The following CNBP variants were observed in gnomAD, a reference collection of about 807,000 sequenced individuals.
CNBP encodes cellular nucleic acid-binding protein.
In CNBP, 6 loss-of-function variants were observed where a neutral mutation model predicts 21.2. The ratio of observed to expected loss-of-function variants is 0.28; its 90% CI spans 0.16 to 0.56. CNBP has a LOEUF of 0.56. Among genes scored for constraint, CNBP ranks in the 20% least tolerant of loss-of-function variants. The pLI is 0.93. For synonymous variants in CNBP, 61 were observed against 74.9 expected, an observed-to-expected ratio of 0.81 and a Z score of 0.96; for missense variants, 112 against 233.1, an observed-to-expected ratio of 0.48 and a Z score of 3.38.
At position 129,170,307 on chromosome 3, in the gene CNBP, T is replaced by C. The variant is rs1025675502; in HGVS notation, c.*146A>G. 1.0e-5 allele frequency: 7 copies of C among 690,546 alleles called. No homozygotes were observed. Among genetic ancestry groups the C allele is most frequent in the East Asian group, 2.5e-5 (1 of 39,552 alleles). The allele number at this position is 690,546 out of a possible 1,614,324, so 42.8% of individuals were successfully genotyped here. A position where few individuals can be genotyped will look rare whatever the true frequency, so the allele number is the denominator to read the frequency against. On this transcript the variant is annotated 3_prime_UTR_variant, in exon 5 of 5. Transcript: ENST00000422453. ...GTTAAATGCAGAAAGTCGGTTTTTT[T>C]CCACCCCTTTCCTCCTTTTACACGG...
intron 1 of CNBP, among the ~76,000 whole-genome samples, chr3:129,179,769 C>T (rs1217132600): frequency 6.6e-6 from 1 of 151,926 alleles, no homozygotes; most frequent in East Asian, 1.9e-4. Context: ...GAGGTGGAGG[C>T]TGCAGTGAGC....
rs1361773057 is a variant in CNBP at position 129,168,871 on chromosome 3, C to T, written c.*1582G>A. ...CAGCACTTTGGGAGGCCAAGGCGGG[C>T]GGATCACGAGGTCAGGAGATTGAGA... On this transcript the variant is annotated 3_prime_UTR_variant, in exon 5 of 5. Transcript: ENST00000422453. 6.6e-6 allele frequency among the ~76,000 whole-genome samples: 1 copy of T among 150,702 alleles called. No homozygotes were observed. The highest frequency in any genetic ancestry group is 3.5e-3 in the Middle Eastern group (1 of 288).
intron 1 of CNBP, among the ~76,000 whole-genome samples, chr3:129,181,796 ATT>A (rs1440929873): frequency 2.0e-5 from 3 of 152,030 alleles, no homozygotes; most frequent in Non-Finnish European, 4.4e-5. Flanking sequence ...ACAAACTGTT[ATT>A]TTTTTAAAGA....
intron 3 of CNBP, 49 bp from the exon 4 acceptor site, chr3:129,171,326 A>C (rs1318888200): frequency 1.9e-6 from 3 of 1,609,178 alleles, no homozygotes; most frequent in East Asian, 4.5e-5. Context: ...AACCTTTACA[A>C]AGTGTTACGT....
In CNBP at chr3:129,170,141, A is replaced by T. The variant is rs1464634534; in HGVS notation, c.*312T>A. 6.3e-6 allele frequency: 2 copies of T among 315,966 alleles called. No individual in the cohort carries two copies. The highest frequency in any genetic ancestry group is 8.8e-5 in the Admixed American group (2 of 22,636). The allele number at this position is 315,966 out of a possible 1,614,324, so 19.6% of individuals were successfully genotyped here. ...TACCTCCTACATGGGAACATGTTCAAGGAACCCAGGACGGGCTTACTGGTC... is the reference window on the plus strand; with the variant it reads ...TACCTCCTACATGGGAACATGTTCATGGAACCCAGGACGGGCTTACTGGTC... On this transcript the variant is annotated 3_prime_UTR_variant, in exon 5 of 5. Coordinates refer to ENST00000422453, the MANE Select transcript of CNBP (RefSeq NM_003418.5).
At chr3:129,172,249 AT>A (rs1318627093) in intron 1 of CNBP, among the ~76,000 whole-genome samples, 1 of 151,822 alleles carries the variant, frequency 6.6e-6, no homozygotes, top group African/African-American at 2.4e-5. Context: ...AAGTGATGGA[AT>A]TTACAGGGTT....
Position 129,168,046 on chromosome 3 carries a change from C to T in CNBP, c.*2407G>A, listed in dbSNP as rs1420029114. ...TAACACTGAATCACTATACCATGAA[C>T]TGACAGAACCCTGCATGAAGGATGA... is the stretch of plus-strand genomic sequence containing the variant. On this transcript the variant is annotated 3_prime_UTR_variant, in exon 5 of 5. Coordinates refer to ENST00000422453, the MANE Select transcript of CNBP (RefSeq NM_003418.5). Among the ~76,000 whole-genome samples, 1 of 152,122 alleles carries T rather than the reference C, an allele frequency of 6.6e-6. No homozygotes were observed. Among genetic ancestry groups the T allele is most frequent in the African/African-American group, 2.4e-5 (1 of 41,404 alleles).
intron 1 of CNBP, among the ~76,000 whole-genome samples, chr3:129,178,909 CTTTT>C (rs558645888): frequency 1.5e-4 from 22 of 151,184 alleles, no homozygotes; most frequent in Non-Finnish European, 3.1e-4. Context: ...CGCCTGGCTA[CTTTT>C]TTTTTGTATT....
At chr3:129,173,902 G>A (rs1272739580) in intron 1 of CNBP, among the ~76,000 whole-genome samples, 2 of 152,086 alleles carry the variant, frequency 1.3e-5, no homozygotes, top group African/African-American at 2.4e-5. Flanking sequence ...GACCCAAAAC[G>A]CAGTCCGAAA....
intron 1 of CNBP, among the ~76,000 whole-genome samples, chr3:129,177,042 T>TA (rs2107642706): frequency 6.6e-6 from 1 of 152,310 alleles, no homozygotes; most frequent in South Asian, 2.1e-4. Flanking sequence ...CCAGAACCTC[T>TA]AATTTGTCAT....
At position 129,169,011 on chromosome 3, in the gene CNBP, A is replaced by T. The variant is rs1260655169; in HGVS notation, c.*1442T>A. ...CAGCTACTCAGGAGGCTGAGGCAGG[A>T]GAATGGCACGAACCCAGGAGGCGGA... On this transcript the variant is annotated 3_prime_UTR_variant, in exon 5 of 5. Coordinates refer to ENST00000422453, the MANE Select transcript of CNBP (RefSeq NM_003418.5). 6.6e-6 allele frequency among the ~76,000 whole-genome samples: 1 copy of T among 151,994 alleles called. No individual in the cohort carries two copies. Among genetic ancestry groups the T allele is most frequent in the South Asian group, 2.1e-4 (1 of 4,822 alleles).
At position 129,168,952 on chromosome 3, in the gene CNBP, A is replaced by AG. The variant is rs1309278732; in HGVS notation, c.*1500_*1501insC. 2.7e-5 allele frequency among the ~76,000 whole-genome samples: 4 copies of AG among 150,828 alleles called. No individual in the cohort carries two copies. The highest frequency in any genetic ancestry group is 1.5e-5 in the Non-Finnish European group (1 of 67,654). On this transcript the variant is annotated 3_prime_UTR_variant, in exon 5 of 5. Transcript: ENST00000422453. ...TTTACTAAAAATACAAAAAAAAAAAATTAGCTGGGCGCGGTGGCGGGTACC... is the reference window on the plus strand; with the variant it reads ...TTTACTAAAAATACAAAAAAAAAAAAGTTAGCTGGGCGCGGTGGCGGGTACC...
chr3:129,174,360 A>AC (rs1201523978), intron 1 of CNBP, among the ~76,000 whole-genome samples: 2 of 147,860 alleles, frequency 1.4e-5, no homozygotes, highest in African/African-American at 2.5e-5. Flanking sequence ...AAAAAAAAAA[A>AC]AAAAAAAAAA....
chr3:129,179,154 G>T (rs937527410), intron 1 of CNBP, among the ~76,000 whole-genome samples: 1 of 152,076 alleles, frequency 6.6e-6, no homozygotes, highest in Non-Finnish European at 1.5e-5. Context: ...GCCCGTGCCT[G>T]TAGTTCCAAA....
At chr3:129,182,208 G>A (rs1297359144) in intron 1 of CNBP, among the ~76,000 whole-genome samples, 1 of 152,102 alleles carries the variant, frequency 6.6e-6, no homozygotes, top group African/African-American at 2.4e-5. Flanking sequence ...TCAAACAATA[G>A]GAAAGGGGGA....
chr3:129,172,840 T>A (rs1937643713), intron 1 of CNBP, among the ~76,000 whole-genome samples: 1 of 152,186 alleles, frequency 6.6e-6, no homozygotes, highest in Non-Finnish European at 1.5e-5. Flanking sequence ...GTCATTTATT[T>A]ACTCACATCA....
At chr3:129,182,506 C>T (rs1045095806) in intron 1 of CNBP, among the ~76,000 whole-genome samples, 10 of 152,130 alleles carry the variant, frequency 6.6e-5, no homozygotes, top group Non-Finnish European at 1.3e-4. Context: ...ATAATAAAAT[C>T]AACACCTAAA....
At chr3:129,172,455 G>A (rs745877642) in intron 1 of CNBP, among the ~76,000 whole-genome samples, 51 of 152,076 alleles carry the variant, frequency 3.4e-4, no homozygotes, top group Non-Finnish European at 6.0e-4. Context: ...GGCGGCATGC[G>A]CCTGTAATCC....
At chr3:129,175,920 G>A (rs1937873526) in intron 1 of CNBP, among the ~76,000 whole-genome samples, 1 of 152,116 alleles carries the variant, frequency 6.6e-6, no homozygotes, top group South Asian at 2.1e-4. Flanking sequence ...TCCTCCCTTT[G>A]GCTAACCCTA....
Sources: allele counts gnomAD v4.1 joint callset (sites outside exome capture counted in the v4.1 genomes callset), GRCh38; gene constraint gnomAD v4.1.1; transcripts MANE v1.5; gene names NCBI Gene and HGNC (gene_info 2026-07-23, HGNC 2026-07-21).